Variants in ITPR1 observed in about 807,000 individuals in gnomAD.
The protein encoded by ITPR1 is inositol 1,4,5-trisphosphate receptor type 1.
ITPR1 carries 96 observed loss-of-function variants against 318.4 expected under a neutral mutation model. The observed-to-expected ratio is 0.30, with a 90% CI of 0.26 to 0.36. The LOEUF is 0.36. Ranked by LOEUF, ITPR1 falls within the 10% of genes least tolerant of loss-of-function variation. The pLI is 1.00. For missense variants in ITPR1, 2,440 were observed against 3,460.2 expected, an observed-to-expected ratio of 0.71 and a Z score of 7.40; for synonymous variants, 1,312 against 1,289.9, an observed-to-expected ratio of 1.02 and a Z score of -0.37.
chr3:4,812,238 A>G (rs1348403442), intron 56 of ITPR1, among the ~76,000 whole-genome samples: 1 of 152,048 alleles, frequency 6.6e-6, no homozygotes, highest in Non-Finnish European at 1.5e-5. Context: ...GGTTCTTGCC[A>G]TGTTGCCCAG....
chr3:4,520,250 T>C (rs2082458483), intron 3 of ITPR1, among the ~76,000 whole-genome samples: 2 of 152,202 alleles, frequency 1.3e-5, no homozygotes, highest in South Asian at 2.1e-4. Context: ...TGTTCAAAAA[T>C]ATATTTTTAA....
At chr3:4,652,517 C>T (rs539424500) in intron 11 of ITPR1, among the ~76,000 whole-genome samples, 7 of 152,232 alleles carry the variant, frequency 4.6e-5, no homozygotes, top group African/African-American at 1.7e-4. Context: ...ACGACCCTCC[C>T]CACGTCTTGT....
At chr3:4,652,954 G>C (rs545506379) in intron 11 of ITPR1, among the ~76,000 whole-genome samples, 2 of 152,126 alleles carry the variant, frequency 1.3e-5, no homozygotes, top group South Asian at 2.1e-4. Flanking sequence ...CACCACTGCA[G>C]TCCAGCTTGG....
rs772151994 is a variant in ITPR1, at chr3:4,727,178, G to A, written c.5220+5G>A. The A allele has an allele frequency of 1.9e-6, 3 of 1,586,836 alleles. No homozygotes were observed. The highest frequency in any genetic ancestry group is 1.1e-5 in the South Asian group (1 of 89,558). On this transcript the variant is annotated splice_donor_5th_base_variant and intron_variant, in intron 42 of 61. Transcript: ENST00000649015. ...CAGCTGGAAGACCATAAAAGGGTACGTAGTCTTGAGTCTTGGGTATCGGGA... is the reference window on the plus strand; with the variant it reads ...CAGCTGGAAGACCATAAAAGGGTACATAGTCTTGAGTCTTGGGTATCGGGA...
chr3:4,840,434 A>T (rs1002851907), intron 61 of ITPR1, among the ~76,000 whole-genome samples: 1 of 152,142 alleles, frequency 6.6e-6, no homozygotes, highest in Non-Finnish European at 1.5e-5. Context: ...AAACACAAAA[A>T]TTGCTCCATT....
chr3:4,534,224 C>T (rs566353930), intron 4 of ITPR1, among the ~76,000 whole-genome samples: 2 of 152,294 alleles, frequency 1.3e-5, no homozygotes, highest in African/African-American at 4.8e-5. Context: ...CGGTAGTGAA[C>T]ATTGTACCCA....
At chr3:4,609,051 A>AATATGTATATATATAT (rs1387747146) in intron 4 of ITPR1, among the ~76,000 whole-genome samples, 36 of 46,566 alleles carry the variant, frequency 7.7e-4, no homozygotes, top group East Asian at 2.1e-3. Flanking sequence ...ACAACAACGA[A>AATATGTATATATATAT]ATATATATAT....
At chr3:4,645,885 G>GC in intron 10 of ITPR1, 157 bp downstream of exon 10, 1 of 667,324 alleles carries the variant, frequency 1.5e-6, no homozygotes, top group South Asian at 2.0e-5. Flanking sequence ...CAGAATACAT[G>GC]TGTGTGTATA....
chr3:4,560,311 A>G (rs1018930630), intron 4 of ITPR1, among the ~76,000 whole-genome samples: 1 of 152,202 alleles, frequency 6.6e-6, no homozygotes, highest in Non-Finnish European at 1.5e-5. Flanking sequence ...AGTTAATGTA[A>G]TAAGGTTCTC....
intron 47 of ITPR1, among the ~76,000 whole-genome samples, chr3:4,775,847 A>G (rs752454350): frequency 3.3e-5 from 5 of 152,236 alleles, no homozygotes; most frequent in African/African-American, 1.2e-4. Context: ...GAAGAAAATT[A>G]CTACACGTGA....
intron 2 of ITPR1, among the ~76,000 whole-genome samples, chr3:4,506,683 T>C (rs943420893): frequency 1.3e-5 from 2 of 152,208 alleles, no homozygotes; most frequent in Admixed American, 6.5e-5. Context: ...TATCAATAAA[T>C]ATGTTCGATA....
intron 60 of ITPR1, chr3:4,825,705 C>G: frequency 2.2e-6 from 1 of 456,320 alleles, no homozygotes; most frequent in Non-Finnish European, 4.4e-6. Context: ...ACCTGCGTGT[C>G]ACTACCTTCT....
Position 4,678,215 on chromosome 3 carries a change from GA to G in ITPR1, c.2967+1417del, listed in dbSNP as rs376143582. 5.3e-5 allele frequency among the ~76,000 whole-genome samples: 8 copies of G among 152,280 alleles called. No individual in the cohort carries two copies. In the East Asian group the frequency reaches 1.5e-3, roughly 29 times the overall value. On this transcript the variant is annotated intron_variant, in intron 24 of 61. Coordinates refer to ENST00000649015, the MANE Select transcript of ITPR1 (RefSeq NM_001378452.1). ...CGATAAAGACAGCTTAAGTAAAGGA[GA>G]AATCTTACTGAATTTATGCCTGAGC...
intron 4 of ITPR1, among the ~76,000 whole-genome samples, chr3:4,563,174 G>A (rs2086855145): frequency 6.6e-6 from 1 of 152,160 alleles, no homozygotes; most frequent in Admixed American, 6.5e-5. Flanking sequence ...GCCTATTGGT[G>A]TGTCTTGGCC....
chr3:4,725,474 G>T, intron 40 of ITPR1, 72 bp from the exon 41 acceptor site: 1 of 1,253,618 alleles, frequency 8.0e-7, no homozygotes, highest in Non-Finnish European at 1.2e-6. Flanking sequence ...TTGAGTGTTG[G>T]TCTCTGGACT....
chr3:4,716,952 A>G (rs574484164), intron 39 of ITPR1, among the ~76,000 whole-genome samples: 1 of 152,316 alleles, frequency 6.6e-6, no homozygotes, highest in African/African-American at 2.4e-5. Flanking sequence ...AAATGAAGCT[A>G]AGGAAAGAAT....
intron 44 of ITPR1, chr3:4,749,415 A>C (rs1054335975): frequency 2.0e-5 from 3 of 152,180 alleles, no homozygotes; most frequent in Non-Finnish European, 4.4e-5. Context: ...CCCTGAGCTG[A>C]TTATAGCCCT....
chr3:4,680,496 A>G, intron 24 of ITPR1, 57 bp from the exon 25 acceptor site: 1 of 1,533,502 alleles, frequency 6.5e-7, no homozygotes, highest in Non-Finnish European at 9.0e-7. Flanking sequence ...GGCTTGGCAG[A>G]GTCAAGATGG....
At chr3:4,662,551 C>G (rs754666750) in intron 15 of ITPR1, among the ~76,000 whole-genome samples, 3 of 151,996 alleles carry the variant, frequency 2.0e-5, no homozygotes, top group Admixed American at 6.6e-5. Flanking sequence ...GGTGAAACCC[C>G]ATCTCTACTA....
Sources: gnomAD v4.1 joint callset for allele counts (sites outside exome capture counted in the v4.1 genomes callset) on GRCh38, gnomAD v4.1.1 for gene constraint, MANE v1.5 for transcripts, NCBI Gene and HGNC (gene_info 2026-07-23, HGNC 2026-07-21) for gene names.